Variants in MEIS3 observed in about 807,000 individuals in gnomAD.
The protein encoded by MEIS3 is Meis homeobox 3.
Under a neutral mutation model 51.4 loss-of-function variants are expected in MEIS3, and 38 were observed. The ratio of observed to expected loss-of-function variants is 0.74; its 90% confidence interval spans 0.57 to 0.97. The LOEUF (loss-of-function observed/expected upper bound fraction) is 0.97. Ranked by LOEUF, MEIS3 falls within the 50% of genes least tolerant of loss-of-function variation. The pLI is 0.00. For synonymous variants in MEIS3, 198 were observed against 201.8 expected (o/e 0.98, Z 0.16); for missense variants, 456 against 502.6 (o/e 0.91, Z 0.89).
intron 1 of MEIS3, 53 bp downstream of exon 1, chr19:47,419,017 G>C: frequency 2.5e-6 from 3 of 1,214,264 alleles, no homozygotes; most frequent in Non-Finnish European, 3.1e-6. Context: ...GGGGATGCAG[G>C]GACAGGGGGT....
intron 8 of MEIS3, 142 bp from the exon 9 acceptor site, chr19:47,407,570 C>T (rs770610681): frequency 2.6e-6 from 4 of 1,532,018 alleles, no homozygotes; most frequent in Admixed American, 4.1e-5. Context: ...AGCGTCTCTG[C>T]GCTCCCCAGG....
intron 4 of MEIS3, 159 bp downstream of exon 4, chr19:47,416,493 C>T (rs1037901346): frequency 1.6e-6 from 1 of 635,092 alleles, no homozygotes; most frequent in East Asian, 3.0e-5. Context: ...TTCTCAGACT[C>T]TAGGCTGTAC....
chr19:47,407,742 G>A, intron 8 of MEIS3: 1 of 497,112 alleles, frequency 2.0e-6, no homozygotes, highest in South Asian at 3.8e-5. Context: ...GTCGGGGAGG[G>A]AAGCAAAGCC....
intron 8 of MEIS3, 57 bp downstream of exon 8, chr19:47,409,042 G>A: frequency 6.3e-7 from 1 of 1,581,706 alleles, no homozygotes; most frequent in African/African-American, 1.4e-5. Context: ...GGTCTCTGTG[G>A]TCCACCCTTC....
chr19:47,416,867 G>A lies in MEIS3; in HGVS notation c.282C>T (p.Pro94=), dbSNP rs1971445351. 6.2e-7 allele frequency: 1 copy of A among 1,614,044 alleles called. No individual in the cohort carries two copies. Among genetic ancestry groups the A allele is most frequent in the Non-Finnish European group, 8.5e-7 (1 of 1,180,006 alleles). Residue 94 remains proline, a synonymous_variant, in exon 3 of 13, where the codon CCC becomes CCT. Transcript: ENST00000558555. ...CAGAGGAGCAGACGTCACCTCCAGG[G>A]GGTGTCCCCAGCCCAGCTCCGGCCC... The part of the protein sequence containing the change: ...RDGAGAGLGT[P]PGGDVCSSDS...
At chr19:47,420,537 CAG>C (rs1568433724), upstream of MEIS3, among the ~76,000 whole-genome samples, 28 of 120,822 alleles carry the variant, frequency 2.3e-4, no homozygotes, top group African/African-American at 2.3e-4. Context: ...GAGAGAGAGA[CAG>C]AGACAGACGC....
chr19:47,413,368 G>A (rs1035070787), intron 6 of MEIS3, among the ~76,000 whole-genome samples: 4 of 151,458 alleles, frequency 2.6e-5, no homozygotes, highest in Non-Finnish European at 5.9e-5. Context: ...ACTCCATTCC[G>A]GTCTGGGTGA....
chr19:47,409,337 A>G, intron 7 of MEIS3, 90 bp from the exon 8 acceptor site: 1 of 1,577,816 alleles, frequency 6.3e-7, no homozygotes. Context: ...AACACTCCAC[A>G]CCCCAGCCAT....
intron 1 of MEIS3, 59 bp from the exon 2 acceptor site, chr19:47,417,409 TC>T (rs1318987673): frequency 6.3e-7 from 1 of 1,590,888 alleles, no homozygotes; most frequent in African/African-American, 1.3e-5. Context: ...ACCCCGAGAC[TC>T]GGCTGAGGAG....
chr19:47,421,498 T>G (rs1971714863), upstream of MEIS3, among the ~76,000 whole-genome samples: 1 of 152,134 alleles, frequency 6.6e-6, no homozygotes, highest in African/African-American at 2.4e-5. Context: ...GTCCTCTCTC[T>G]CGGGCCTGCT....
upstream of MEIS3, among the ~76,000 whole-genome samples, chr19:47,420,904 TCTCTCTCACA>T (rs1469272903): frequency 3.3e-4 from 31 of 92,766 alleles, no homozygotes; most frequent in African/African-American, 1.1e-3. Flanking sequence ...TCTCTCTCTC[TCTCTCTCACA>T]CACACACACA....
At chr19:47,420,456 C>T (rs1290344652), upstream of MEIS3, among the ~76,000 whole-genome samples, 1 of 145,148 alleles carries the variant, frequency 6.9e-6, no homozygotes, top group Non-Finnish European at 1.5e-5. Flanking sequence ...AGGGAGGGGG[C>T]ACCTGGGATG....
chr19:47,419,326 G>A lies in MEIS3; in HGVS notation c.-245C>T, dbSNP rs927497166. 9.0e-5 allele frequency: 16 copies of A among 176,878 alleles called. No homozygotes were observed. The South Asian group carries it at 2.2e-3, about 24-fold the overall frequency. The allele number at this position is 176,878 out of a possible 1,614,324, so 11.0% of individuals were successfully genotyped here. A position where few individuals can be genotyped will look rare whatever the true frequency, so the allele number is the denominator to read the frequency against. On this transcript the variant is annotated 5_prime_UTR_variant, in exon 1 of 13. Transcript: ENST00000558555. ...CGGCCAGGAGCGCATCGCCGCCGGG[G>A]CGGGGGCAGCAGGCGCAGGCGGGGC...
chr19:47,420,423 G>A (rs1417456750), upstream of MEIS3, among the ~76,000 whole-genome samples: 3 of 151,442 alleles, frequency 2.0e-5, no homozygotes, highest in East Asian at 3.9e-4. Context: ...CAGTGGTGGG[G>A]GGCGTGGACA....
At chr19:47,419,897 G>A (rs1034271547), upstream of MEIS3, among the ~76,000 whole-genome samples, 1 of 152,148 alleles carries the variant, frequency 6.6e-6, no homozygotes, top group Non-Finnish European at 1.5e-5. Flanking sequence ...CAGGGGTCAC[G>A]TGGGAATCTG....
At chr19:47,405,299 A>C (rs1970761814) in intron 12 of MEIS3, among the ~76,000 whole-genome samples, 1 of 152,070 alleles carries the variant, frequency 6.6e-6, no homozygotes, top group Non-Finnish European at 1.5e-5. Context: ...AAGTCAAATA[A>C]TGCCCCCCTT....
chr19:47,404,164 T>A (rs1291419946), intron 12 of MEIS3, among the ~76,000 whole-genome samples: 1 of 150,484 alleles, frequency 6.6e-6, no homozygotes. Context: ...TGATCAGGAG[T>A]GGAGAGACAG....
intron 12 of MEIS3, among the ~76,000 whole-genome samples, chr19:47,404,321 A>C (rs1970719954): frequency 6.6e-6 from 1 of 152,034 alleles, no homozygotes; most frequent in Non-Finnish European, 1.5e-5. Flanking sequence ...GAAAGAGCTG[A>C]GTCGCCCACT....
Position 47,406,540 on chromosome 19 carries a change from A to T in MEIS3, c.1079-14T>A, listed in dbSNP as rs200662502. ...TCCCCACTGATCCTGGAAGACAAAA[A>T]AAAAGGAGGGTAAGTGCGTCTTTCA... On this transcript the variant is annotated splice_polypyrimidine_tract_variant and intron_variant, in intron 11 of 12. Transcript: ENST00000558555. 1.2e-3 allele frequency: 1,904 copies of T among 1,613,974 alleles called. 1 individual carries two copies. The highest frequency in any genetic ancestry group is 1.5e-3 in the Non-Finnish European group (1,745 of 1,179,914).
Sources: gnomAD v4.1 joint callset for allele counts (sites outside exome capture counted in the v4.1 genomes callset) on GRCh38, gnomAD v4.1.1 for gene constraint, MANE v1.5 for transcripts, NCBI Gene and HGNC (gene_info 2026-07-23, HGNC 2026-07-21) for gene names.